PRIM2: variants seen among roughly 807,000 people sequenced by gnomAD.
PRIM2 encodes the protein DNA primase large subunit.
PRIM2 carries 39 observed loss-of-function variants against 67.3 expected under a neutral mutation model. The ratio of observed to expected loss-of-function variants is 0.58; its 90% CI spans 0.45 to 0.76. The LOEUF is 0.76. Ranked by LOEUF, PRIM2 falls within the 30% of genes least tolerant of loss-of-function variation. The pLI is 0.00. For missense variants in PRIM2, 398 were observed against 598.7 expected (o/e 0.66, Z 3.50); for synonymous variants, 143 against 198.7 (o/e 0.72, Z 2.36).
intron 10 of PRIM2, among the ~76,000 whole-genome samples, chr6:57,567,488 A>G (rs1775766541): frequency 6.6e-6 from 1 of 152,138 alleles, no homozygotes; most frequent in African/African-American, 2.4e-5. Flanking sequence ...CATTTTTGAC[A>G]TGATATTTTC....
chr6:57,371,515 G>A (rs930354082), intron 5 of PRIM2, among the ~76,000 whole-genome samples: 8 of 152,120 alleles, frequency 5.3e-5, no homozygotes, highest in African/African-American at 1.9e-4. Flanking sequence ...TAACACATTT[G>A]GCTTCAATTT....
chr6:57,445,125 G>A (rs1772323531), intron 7 of PRIM2, among the ~76,000 whole-genome samples: 1 of 152,156 alleles, frequency 6.6e-6, no homozygotes, highest in Non-Finnish European at 1.5e-5. Context: ...ATATCTTTCT[G>A]AAGTATTATT....
intron 10 of PRIM2, among the ~76,000 whole-genome samples, chr6:57,540,945 A>G (rs1476763819): frequency 6.6e-6 from 1 of 152,252 alleles, no homozygotes; most frequent in Non-Finnish European, 1.5e-5. Flanking sequence ...ATATTACAGT[A>G]AAGTGATCTC....
chr6:57,241,020 C>T, the PRIM2 span, among the ~76,000 whole-genome samples: 5 of 151,736 alleles, frequency 3.3e-5, no homozygotes, highest in Non-Finnish European at 5.9e-5. Flanking sequence ...GTCAGGAGAT[C>T]GAGACCATCC....
chr6:57,364,177 T>C (rs1475764220), intron 5 of PRIM2, among the ~76,000 whole-genome samples: 5 of 152,192 alleles, frequency 3.3e-5, no homozygotes, highest in African/African-American at 1.2e-4. Flanking sequence ...AGGTTGCTTT[T>C]TAATCTGTCT....
intron 7 of PRIM2, among the ~76,000 whole-genome samples, chr6:57,482,794 C>T (rs1773662227): frequency 1.3e-5 from 2 of 152,092 alleles, no homozygotes; most frequent in East Asian, 1.9e-4. Context: ...AGATTAAATA[C>T]CTATTTTATA....
intron 7 of PRIM2, chr6:57,505,187 C>T (rs1774226042): frequency 6.6e-6 from 1 of 152,196 alleles, no homozygotes. Flanking sequence ...GATGCATGCT[C>T]TTTTTGTAAG....
chr6:57,571,752 T>C lies in PRIM2; in HGVS notation c.1021-29341T>C, dbSNP rs1187825370. Among the ~76,000 whole-genome samples the C allele has an allele frequency of 9.8e-5, 15 of 152,306 alleles. 1 individual carries two copies. The highest frequency in any genetic ancestry group is 5.9e-4 in the Admixed American group (9 of 15,304). ...AAGTCAGACTCACAAAACCAAAATT[T>C]ATTTCTGAGGGTTCCAGCAAATTTG... On this transcript the variant is annotated intron_variant, in intron 10 of 13. Coordinates refer to ENST00000615550, the MANE Select transcript of PRIM2 (RefSeq NM_000947.5).
chr6:57,288,744 G>T, the PRIM2 span, among the ~76,000 whole-genome samples: 1 of 152,160 alleles, frequency 6.6e-6, no homozygotes, highest in East Asian at 1.9e-4. Context: ...CAAACAGAAA[G>T]AAATAGCATC....
Position 57,325,947 on chromosome 6 carries a change from A to T in PRIM2, c.361A>T (p.Ile121Phe), listed in dbSNP as rs778711711. The change falls in exon 5 of 14, where the codon ATT becomes TTT. Residue 121 changes from isoleucine to phenylalanine, a missense_variant. By Grantham distance (21) the Ile-to-Phe change is conservative (BLOSUM62 0). This residue lies in a region of PRIM2 where 229 missense variants were observed against 383.6 expected (regional missense o/e 0.60). Coordinates refer to ENST00000615550, the MANE Select transcript of PRIM2 (RefSeq NM_000947.5). ...CQSEELRRWF[I>F]QQEMDLLRFR... ...CAGTGAAGAACTTAGACGCTGGTTCATTCAACAAGAAATGGATCTCCTTCG... is the reference window on the plus strand; with the variant it reads ...CAGTGAAGAACTTAGACGCTGGTTCTTTCAACAAGAAATGGATCTCCTTCG... The T allele has an allele frequency of 5.6e-6, 9 of 1,607,056 alleles. No homozygotes were observed. The Admixed American group carries it at 1.5e-4, about 27-fold the overall frequency.
rs1305276772 is a variant in PRIM2, at chr6:57,522,338, A to G, written c.762-10073A>G. Among the ~76,000 whole-genome samples, 468 of 152,300 alleles carry G rather than the reference A, an allele frequency of 3.1e-3. 4 individuals carry two copies. Among genetic ancestry groups the G allele is most frequent in the East Asian group, 0.019 (98 of 5,176 alleles). ...ATTCTATAGGTATACCTAGTCCTCCAGAGAACTATTTGATTGTTTTATGTC... is the reference window on the plus strand; with the variant it reads ...ATTCTATAGGTATACCTAGTCCTCCGGAGAACTATTTGATTGTTTTATGTC... On this transcript the variant is annotated intron_variant, in intron 8 of 13. Transcript: ENST00000615550.
At chr6:57,310,180 A>T (rs1223185887), upstream of PRIM2, among the ~76,000 whole-genome samples, 1 of 152,178 alleles carries the variant, frequency 6.6e-6, no homozygotes, top group Non-Finnish European at 1.5e-5. Flanking sequence ...GCAGCCAAAA[A>T]ACACATGAAA....
the PRIM2 span, among the ~76,000 whole-genome samples, chr6:57,274,705 A>C: frequency 6.6e-6 from 1 of 152,134 alleles, no homozygotes. Context: ...TGCAGAAATC[A>C]CCTATCTTCT....
At chr6:57,466,951 C>T (rs1319881373) in intron 7 of PRIM2, among the ~76,000 whole-genome samples, 17 of 152,022 alleles carry the variant, frequency 1.1e-4, no homozygotes, top group Admixed American at 2.0e-4. Flanking sequence ...GAAACGCTGT[C>T]TCTACCTAAA....
At chr6:57,327,299 CAG>C (rs1285971009) in intron 5 of PRIM2, among the ~76,000 whole-genome samples, 1 of 152,078 alleles carries the variant, frequency 6.6e-6, no homozygotes, top group Non-Finnish European at 1.5e-5. Flanking sequence ...GTAGGACTGG[CAG>C]AGACTCTATT....
At chr6:57,324,023 T>C (rs867305042) in intron 3 of PRIM2, among the ~76,000 whole-genome samples, 178 bp from the exon 4 acceptor site, 3 of 152,016 alleles carry the variant, frequency 2.0e-5, no homozygotes, top group East Asian at 1.9e-4. Flanking sequence ...AGTTTGAAGT[T>C]ACAGTGAGCT....
chr6:57,330,362 T>G (rs1206996204), intron 5 of PRIM2, among the ~76,000 whole-genome samples: 3 of 71,920 alleles, frequency 4.2e-5, no homozygotes, highest in African/African-American at 1.3e-4. Flanking sequence ...TTTTTTTTTG[T>G]TTTTGTTTTT....
chr6:57,603,423 C>T, intron 11 of PRIM2, among the ~76,000 whole-genome samples: 1 of 146,490 alleles, frequency 6.8e-6, no homozygotes, highest in South Asian at 2.2e-4. Context: ...TATTCCGACA[C>T]ATTTATTGAA....
At chr6:57,434,137 T>C (rs1368452866) in intron 7 of PRIM2, among the ~76,000 whole-genome samples, 1 of 151,916 alleles carries the variant, frequency 6.6e-6, no homozygotes, top group East Asian at 1.9e-4. Flanking sequence ...TTGGTCAGGC[T>C]GGGTCTTGAA....
Sources: gnomAD v4.1 joint callset for allele counts (sites outside exome capture counted in the v4.1 genomes callset) on GRCh38, gnomAD v4.1.1 for gene constraint, gnomAD v4.1.1 regional missense constraint, MANE v1.5 for transcripts, NCBI Gene and HGNC (gene_info 2026-07-23, HGNC 2026-07-21) for gene names.